Variants in LMO3 observed in about 807,000 individuals in gnomAD.
LMO3 encodes the protein LIM domain only protein 3.
Under a neutral mutation model 15.8 loss-of-function variants are expected in LMO3, and 2 were observed. The ratio of observed to expected loss-of-function variants is 0.13; its 90% CI spans 0.05 to 0.40. The LOEUF is 0.40. Ranked by LOEUF, LMO3 falls within the 10% of genes least tolerant of loss-of-function variation. The pLI, the probability that LMO3 is intolerant of heterozygous loss-of-function variation, is 0.99. For missense variants in LMO3, 86 were observed against 182.2 expected, an observed-to-expected ratio of 0.47 and a Z score of 3.04; for synonymous variants, 62 against 63.8, an observed-to-expected ratio of 0.97 and a Z score of 0.13.
chr12:16,567,254 C>T (rs963727054), intron 2 of LMO3, among the ~76,000 whole-genome samples: 1 of 152,116 alleles, frequency 6.6e-6, no homozygotes. Flanking sequence ...ACCTGAAATC[C>T]CAGCAATAAT....
rs569628958 is a variant in LMO3 at position 16,589,902 on chromosome 12, A to G, written c.206+10753T>C. On this transcript the variant is annotated intron_variant, in intron 2 of 3. Coordinates refer to ENST00000537304, the MANE Select transcript of LMO3 (RefSeq NM_018640.5). The surrounding 1 kb of genome is among the most constrained non-coding windows in gnomAD (Gnocchi z 4.2). ...TTAAGCCTCGTAAAGCTCTCTGGCTACTGTCTCCGTCTAGCTTTCTGGGAA... is the reference window on the plus strand; with the variant it reads ...TTAAGCCTCGTAAAGCTCTCTGGCTGCTGTCTCCGTCTAGCTTTCTGGGAA... 6.6e-6 allele frequency among the ~76,000 whole-genome samples: 1 copy of G among 152,202 alleles called. No individual in the cohort carries two copies. The highest frequency in any genetic ancestry group is 2.4e-5 in the African/African-American group (1 of 41,538).
chr12:16,568,143 G>GGTATT (rs1337321044), intron 2 of LMO3, among the ~76,000 whole-genome samples: 2 of 152,078 alleles, frequency 1.3e-5, no homozygotes, highest in African/African-American at 4.8e-5. Context: ...GGTTTCTCTG[G>GGTATT]GTATTGTATG....
At chr12:16,575,509 T>G (rs1256945204) in intron 2 of LMO3, among the ~76,000 whole-genome samples, 1 of 152,218 alleles carries the variant, frequency 6.6e-6, no homozygotes, top group Non-Finnish European at 1.5e-5. Context: ...TTGAGCCCTG[T>G]CTCTGTACCA....
At chr12:16,592,755 A>G (rs1216924918) in intron 2 of LMO3, among the ~76,000 whole-genome samples, 1 of 151,934 alleles carries the variant, frequency 6.6e-6, no homozygotes, top group Admixed American at 6.6e-5. Flanking sequence ...TTTTTGGTGA[A>G]ATGTGAGCAG....
rs1941892371 is a variant in LMO3, at chr12:16,549,104, G to A, written c.*2118C>T. On this transcript the variant is annotated 3_prime_UTR_variant, in exon 4 of 4. Transcript: ENST00000537304. ...CTGACAATTATAATTTTACATCCAT[G>A]TGAATTTCAAGCAATTGTTAATGGG... 6.6e-6 allele frequency: 1 copy of A among 152,082 alleles called. No individual in the cohort carries two copies. Among genetic ancestry groups the A allele is most frequent in the African/African-American group, 2.4e-5 (1 of 41,418 alleles). The allele number at this position is 152,082 out of a possible 1,614,324, so 9.4% of individuals were successfully genotyped here. A position where few individuals can be genotyped will look rare whatever the true frequency, so the allele number is the denominator to read the frequency against.
intron 2 of LMO3, among the ~76,000 whole-genome samples, chr12:16,590,315 C>T (rs540122552): frequency 6.6e-6 from 1 of 152,098 alleles, no homozygotes; most frequent in Admixed American, 6.6e-5. Context: ...TCTCATGTAA[C>T]ATTTGTCTCA....
chr12:16,575,662 A>C (rs1565495492), intron 2 of LMO3, among the ~76,000 whole-genome samples: 1 of 152,146 alleles, frequency 6.6e-6, no homozygotes. Context: ...ATAGATAGAT[A>C]ATAGGAGAGC....
intron 2 of LMO3, among the ~76,000 whole-genome samples, chr12:16,588,983 G>T (rs1284516099): frequency 1.3e-5 from 2 of 151,978 alleles, no homozygotes; most frequent in African/African-American, 4.8e-5. Flanking sequence ...TTATGAATAG[G>T]ATTCCTATTT....
intron 2 of LMO3, among the ~76,000 whole-genome samples, chr12:16,564,559 T>C (rs1942523957): frequency 6.6e-6 from 1 of 152,208 alleles, no homozygotes; most frequent in Non-Finnish European, 1.5e-5. Context: ...ATTGTATTAG[T>C]GTCTTTTATT....
At chr12:16,594,694 CT>C (rs1368159663) in intron 2 of LMO3, among the ~76,000 whole-genome samples, 1 of 151,514 alleles carries the variant, frequency 6.6e-6, no homozygotes, top group Non-Finnish European at 1.5e-5. Context: ...TGGTGCAATT[CT>C]TTTTTTAGGC....
Position 16,582,029 on chromosome 12 carries a change from TA to T in LMO3, c.206+18625del, listed in dbSNP as rs1340905544. On this transcript the variant is annotated intron_variant, in intron 2 of 3. Transcript: ENST00000537304. This position sits in a 1 kb window ranked among gnomAD's most constrained non-coding sequence, Gnocchi z 4.1. ...ACATTGGCTAGACCCTTTAAAACAT[TA>T]AATATGAGGGACAATAATGAGTATC... is the stretch of plus-strand genomic sequence containing the variant. Among the ~76,000 whole-genome samples, 36 of 152,212 alleles carry T rather than the reference TA, an allele frequency of 2.4e-4. No individual in the cohort carries two copies. Among genetic ancestry groups the T allele is most frequent in the African/African-American group, 8.0e-4 (33 of 41,478 alleles).
At chr12:16,567,122 C>T (rs559528250) in intron 2 of LMO3, among the ~76,000 whole-genome samples, 52 of 152,138 alleles carry the variant, frequency 3.4e-4, no homozygotes, top group African/African-American at 1.1e-3. Flanking sequence ...CTTGAACCTG[C>T]GAGGCGGAGG....
chr12:16,554,535 A>G (rs557291897), intron 3 of LMO3, among the ~76,000 whole-genome samples: 11 of 152,350 alleles, frequency 7.2e-5, no homozygotes, highest in Admixed American at 2.6e-4. Context: ...TCCCACTGAC[A>G]GTCCGGTTGT....
intron 2 of LMO3, among the ~76,000 whole-genome samples, chr12:16,570,050 G>GAT (rs1340205749): frequency 1.3e-5 from 2 of 152,092 alleles, no homozygotes; most frequent in Non-Finnish European, 2.9e-5. Flanking sequence ...TCTCTCCCTT[G>GAT]ATATAGCTCA....
At chr12:16,594,432 C>CCTG in intron 2 of LMO3, 1 of 501,926 alleles carries the variant, frequency 2.0e-6, no homozygotes, top group Non-Finnish European at 3.4e-6. Context: ...CAGAGTATTG[C>CCTG]TATTTTTATT....
At chr12:16,553,328 AGCATGCAG>A (rs1235868105) in intron 3 of LMO3, among the ~76,000 whole-genome samples, 3 of 152,174 alleles carry the variant, frequency 2.0e-5, no homozygotes, top group African/African-American at 7.2e-5. Flanking sequence ...AGGGCAGTAA[AGCATGCAG>A]GCTACAAGAA....
intron 2 of LMO3, among the ~76,000 whole-genome samples, chr12:16,567,138 G>A (rs1942646287): frequency 6.6e-6 from 1 of 152,148 alleles, no homozygotes; most frequent in Non-Finnish European, 1.5e-5. Flanking sequence ...GGAGGTTGCA[G>A]TGAGCTGAGA....
At chr12:16,566,038 A>T (rs11056998) in intron 2 of LMO3, among the ~76,000 whole-genome samples, 17 of 90,520 alleles carry the variant, frequency 1.9e-4, no homozygotes, top group African/African-American at 6.6e-4. Context: ...ATATATATAT[A>T]TAAAATGGAG....
chr12:16,568,658 T>C (rs1485807771), intron 2 of LMO3, among the ~76,000 whole-genome samples: 1 of 152,264 alleles, frequency 6.6e-6, no homozygotes, highest in African/African-American at 2.4e-5. Flanking sequence ...TGGTAATCTT[T>C]GGATACATTG....
Sources: gnomAD v4.1 joint callset for allele counts (sites outside exome capture counted in the v4.1 genomes callset) on GRCh38, gnomAD v4.1.1 for gene constraint, Gnocchi (gnomAD v3.1) non-coding constraint, MANE v1.5 for transcripts, NCBI Gene and HGNC (gene_info 2026-07-23, HGNC 2026-07-21) for gene names.